The following SLC44A2 variants were observed in gnomAD, a reference collection of about 807,000 sequenced individuals.
The protein encoded by SLC44A2 is choline transporter-like protein 2.
A neutral mutation model predicts 90.8 loss-of-function variants in SLC44A2; 57 were observed. The observed-to-expected ratio is 0.63, with a 90% CI of 0.51 to 0.78. The LOEUF is 0.78. Among genes scored for constraint, SLC44A2 ranks in the 30% least tolerant of loss-of-function variants. The probability of loss-of-function intolerance (pLI) is 0.00; values close to 1 mark genes in which losing one functional copy is unlikely to be tolerated. For synonymous variants in SLC44A2, 355 were observed against 360.7 expected (o/e 0.98, Z 0.18); for missense variants, 794 against 919.7 (o/e 0.86, Z 1.77).
Position 10,631,126 on chromosome 19 carries a change from A to G in SLC44A2, c.315A>G (p.Gln105=), listed in dbSNP as rs2066989275. 1.9e-6 allele frequency: 3 copies of G among 1,613,754 alleles called. No homozygotes were observed. The highest frequency in any genetic ancestry group is 1.3e-5 in the African/African-American group (1 of 74,856). Residue 105 remains glutamine, a synonymous_variant, in exon 5 of 22, where the codon CAA becomes CAG. Coordinates refer to ENST00000335757, the MANE Select transcript of SLC44A2 (RefSeq NM_020428.4). ...CASPLVLLEF[Q]CPTPQICVEK... ...GCCCCCTGGTTCTGCTGGAATTCCA[A>G]TGTCCCACTCCCCAGGTAACCTGGT... is the stretch of plus-strand genomic sequence containing the variant.
Position 10,602,551 on chromosome 19 carries a change from C to T in SLC44A2, c.21C>T (p.Asn7=), listed in dbSNP as rs951935536. 6 of 1,277,380 alleles carry T rather than the reference C, an allele frequency of 4.7e-6. No individual in the cohort carries two copies. In the African/African-American group the frequency reaches 6.2e-5, roughly 13 times the overall value. 79.1% of individuals were successfully genotyped at this position (1,277,380 alleles called of 1,614,324 possible). ...CGGCCATGGAGGACGAGCGGAAAAA[C>T]GGAGCCTACGGTAGGAGCCGCCTCC... The change falls in exon 1 of 22, where the codon AAC becomes AAT. Residue 7 remains asparagine (N), a synonymous_variant. Transcript: ENST00000407327.
intron 1 of SLC44A2, among the ~76,000 whole-genome samples, chr19:10,618,958 CT>C (rs772955506): frequency 0.014 from 1,365 of 100,058 alleles, 4 homozygotes; most frequent in Non-Finnish European, 0.021. Flanking sequence ...GTATACAATT[CT>C]TTTTTTTTTT....
chr19:10,629,623 T>C (rs1375719379), intron 4 of SLC44A2, among the ~76,000 whole-genome samples: 1 of 151,740 alleles, frequency 6.6e-6, no homozygotes, highest in African/African-American at 2.4e-5. Context: ...AGTGTCTCAC[T>C]CTGTCAGCCA....
intron 10 of SLC44A2, among the ~76,000 whole-genome samples, chr19:10,632,662 T>G (rs1465179176): frequency 7.3e-6 from 1 of 136,938 alleles, no homozygotes; most frequent in Non-Finnish European, 1.5e-5. Flanking sequence ...AACCTAACTG[T>G]GCTTCAATTT....
chr19:10,622,653 G>A (rs573680066), upstream of SLC44A2, among the ~76,000 whole-genome samples: 3 of 152,200 alleles, frequency 2.0e-5, no homozygotes, highest in South Asian at 2.1e-4. Context: ...TATAATTACA[G>A]CACTTTGGGA....
At chr19:10,608,430 C>T (rs1918180034) in intron 1 of SLC44A2, among the ~76,000 whole-genome samples, 1 of 151,820 alleles carries the variant, frequency 6.6e-6, no homozygotes, top group African/African-American at 2.4e-5. Flanking sequence ...TTTAGCCAAT[C>T]AAAGGGAATA....
intron 1 of SLC44A2, among the ~76,000 whole-genome samples, chr19:10,611,382 G>A (rs566862292): frequency 3.3e-4 from 50 of 152,140 alleles, no homozygotes; most frequent in Non-Finnish European, 6.0e-4. Context: ...AACCTGGGCA[G>A]CAGAGGTTGC....
At chr19:10,626,197 G>A (rs1454040293) in intron 1 of SLC44A2, 56 bp from the exon 2 acceptor site, 3 of 1,432,566 alleles carry the variant, frequency 2.1e-6, no homozygotes, top group Non-Finnish European at 3.0e-6. Context: ...GGCTCTCCCA[G>A]CCCTGTCTTG....
At chr19:10,624,799 G>A (rs940603286), upstream of SLC44A2, among the ~76,000 whole-genome samples, 3 of 152,178 alleles carry the variant, frequency 2.0e-5, no homozygotes, top group Non-Finnish European at 2.9e-5. Context: ...CACTGTATGC[G>A]GTGCCCCGCC....
chr19:10,626,308 G>A lies in SLC44A2; in HGVS notation c.86+7G>A. 1.2e-6 allele frequency: 2 copies of A among 1,608,546 alleles called. No homozygotes were observed. The highest frequency in any genetic ancestry group is 1.7e-6 in the Non-Finnish European group (2 of 1,174,922). The stretch of plus-strand genomic sequence containing the variant: ...AAGGACCCATTTACAATAGGTAAGA[G>A]CTCTGGGTTTTGGGGGGTTCTCCCC... On this transcript the variant is annotated splice_region_variant and intron_variant, in intron 2 of 21. Transcript: ENST00000335757.
intron 10 of SLC44A2, 24 bp downstream of exon 10, chr19:10,632,180 TTC>T: frequency 6.3e-7 from 1 of 1,591,430 alleles, no homozygotes; most frequent in East Asian, 2.2e-5. Context: ...TCCCTGTGGC[TTC>T]TCTTTCCTGA....
In SLC44A2 at chr19:10,636,442, C is replaced by CA; in HGVS notation, c.1354dup (p.Met452AsnfsTer108). On this transcript the variant is annotated frameshift_variant, in exon 15 of 22. Transcript: ENST00000335757. LOFTEE classifies it high-confidence loss of function. The stretch of plus-strand genomic sequence containing the variant: ...TGGGCCTGCAGATCTTCAATGCCTT[C>CA]ATGTTCTTCTGGTTGGCCAACTTCG... 1 of 1,614,098 alleles carries CA rather than the reference C, an allele frequency of 6.2e-7. No individual in the cohort carries two copies. Among genetic ancestry groups the CA allele is most frequent in the East Asian group, 2.2e-5 (1 of 44,874 alleles).
At chr19:10,606,455 C>T (rs554775834) in intron 1 of SLC44A2, among the ~76,000 whole-genome samples, 105 of 152,234 alleles carry the variant, frequency 6.9e-4, no homozygotes, top group Admixed American at 1.1e-3. Context: ...GCAGGTGGAT[C>T]ACCTGAAGTC....
chr19:10,622,077 G>T (rs1282748730), upstream of SLC44A2, among the ~76,000 whole-genome samples: 2 of 152,208 alleles, frequency 1.3e-5, no homozygotes, highest in African/African-American at 2.4e-5. Flanking sequence ...GATATTTCAG[G>T]CAAGGCCTGA....
In SLC44A2 at chr19:10,634,829, C is replaced by A; in HGVS notation, c.897C>A (p.Leu299=). The A allele has an allele frequency of 6.2e-7, 1 of 1,614,112 alleles. No homozygotes were observed. Among genetic ancestry groups the A allele is most frequent in the East Asian group, 2.2e-5 (1 of 44,884 alleles). The change falls in exon 11 of 22, where the codon CTC becomes CTA. Residue 299 remains leucine, a synonymous_variant. Transcript: ENST00000335757. ...GCTCTGATGTCTCTTTGGTGGACCTCGGCTTTCAGACGGATTTCCGGGTGT... is the reference window on the plus strand; with the variant it reads ...GCTCTGATGTCTCTTTGGTGGACCTAGGCTTTCAGACGGATTTCCGGGTGT... The part of the protein sequence containing the change: ...EAGSDVSLVD[L]GFQTDFRVYL...
chr19:10,613,154 C>T (rs1270824385), intron 1 of SLC44A2, among the ~76,000 whole-genome samples: 1 of 151,924 alleles, frequency 6.6e-6, no homozygotes, highest in Non-Finnish European at 1.5e-5. Flanking sequence ...GCCTCCCGGG[C>T]TCAAGCGATT....
At chr19:10,632,493 G>A (rs1185089334) in intron 10 of SLC44A2, among the ~76,000 whole-genome samples, 5 of 143,848 alleles carry the variant, frequency 3.5e-5, no homozygotes, top group Admixed American at 2.2e-4. Flanking sequence ...CCGAAATCAC[G>A]CCATTGCACT....
chr19:10,640,183 C>T lies in SLC44A2; in HGVS notation c.1929+1868C>T, dbSNP rs187484538. Reference sequence around the variant, plus strand: ...TCTGCTCACCACAACCTCCACCTCCCGGGTTCAAGCGATTCTCCTGTCTCA... The same window carrying T: ...TCTGCTCACCACAACCTCCACCTCCTGGGTTCAAGCGATTCTCCTGTCTCA... On this transcript the variant is annotated intron_variant, in intron 20 of 21. Transcript: ENST00000335757. 3.7e-3 allele frequency among the ~76,000 whole-genome samples: 556 copies of T among 150,662 alleles called. 3 individuals are homozygous for T. Among genetic ancestry groups the T allele is most frequent in the African/African-American group, 0.013 (523 of 40,904 alleles).
At chr19:10,635,642 G>A in intron 14 of SLC44A2, 127 bp downstream of exon 14, 2 of 810,160 alleles carry the variant, frequency 2.5e-6, no homozygotes, top group South Asian at 1.7e-5. Context: ...TGCTAGGTGT[G>A]GGGGAGGACG....
Sources: allele counts gnomAD v4.1 joint callset (sites outside exome capture counted in the v4.1 genomes callset), GRCh38; gene constraint gnomAD v4.1.1; transcripts MANE v1.5; gene names NCBI Gene and HGNC (gene_info 2026-07-23, HGNC 2026-07-21).